Variants in DHX32 observed in about 807,000 individuals in gnomAD.
The protein encoded by DHX32 is putative pre-mRNA-splicing factor ATP-dependent RNA helicase DHX32.
DHX32 carries 51 observed loss-of-function variants against 70.0 expected under a neutral mutation model. That is an observed-to-expected ratio of 0.73 (90% confidence interval 0.58 to 0.92). The LOEUF (loss-of-function observed/expected upper bound fraction) is 0.92. Ranked by LOEUF, DHX32 falls within the 40% of genes least tolerant of loss-of-function variation. The probability of loss-of-function intolerance (pLI) is 0.00; values close to 1 mark genes in which losing one functional copy is unlikely to be tolerated. For synonymous variants in DHX32, 310 were observed against 315.3 expected, an observed-to-expected ratio of 0.98 and a Z score of 0.18; for missense variants, 762 against 891.8, an observed-to-expected ratio of 0.85 and a Z score of 1.85.
chr10:125,836,503 A>C lies in DHX32; in HGVS notation c.*184T>G, dbSNP rs7320. The C allele has an allele frequency of 0.42, 574,168 of 1,352,242 alleles. 123,895 individuals carry two copies. The highest frequency in any genetic ancestry group is 0.44 in the Non-Finnish European group (461,420 of 1,038,470). The allele number at this position is 1,352,242 out of a possible 1,614,324, so 83.8% of individuals were successfully genotyped here. On this transcript the variant is annotated 3_prime_UTR_variant, in exon 11 of 11. Transcript: ENST00000284690. Reference sequence around the variant, plus strand: ...TCCAAGAAGAAGAAAAGCATGGAGTAGTAATTTAAAGAACTCAATAAAAAC... The same window carrying C: ...TCCAAGAAGAAGAAAAGCATGGAGTCGTAATTTAAAGAACTCAATAAAAAC...
intron 3 of DHX32, among the ~76,000 whole-genome samples, chr10:125,856,340 G>GT (rs1161023721): frequency 1.3e-5 from 2 of 152,194 alleles, no homozygotes; most frequent in African/African-American, 4.8e-5. Flanking sequence ...CTTTGTGATA[G>GT]TTTATTACTG....
chr10:125,893,954 TAAG>T (rs1008388373), intron 1 of DHX32, among the ~76,000 whole-genome samples: 2 of 152,154 alleles, frequency 1.3e-5, no homozygotes, highest in African/African-American at 4.8e-5. Context: ...GAGATTTAAA[TAAG>T]AAAAAGACTA....
Position 125,838,257 on chromosome 10 carries a change from C to T in DHX32, c.2012G>A (p.Ser671Asn). Residue 671 changes from serine to asparagine, a missense_variant, in exon 10 of 11, where the codon AGC (serine) becomes AAC (asparagine). Around this residue, in one of 3 missense-constraint regions of DHX32, gnomAD observed 366 missense variants for 402.6 expected, o/e 0.91. Transcript: ENST00000284690. ...MPEWVLFHKF[S>N]ISENNYIRIT... The stretch of plus-strand genomic sequence containing the variant: ...CCTGATGTAGTTGTTCTCAGAAATG[C>T]TGAATTTATGGAAGAGGACCCACTC... 6.2e-7 allele frequency: 1 copy of T among 1,612,994 alleles called. No homozygotes were observed. The highest frequency in any genetic ancestry group is 8.5e-7 in the Non-Finnish European group (1 of 1,179,764).
chr10:125,892,741 AG>A (rs1322869973), intron 1 of DHX32, among the ~76,000 whole-genome samples: 3 of 152,194 alleles, frequency 2.0e-5, no homozygotes, highest in Admixed American at 1.3e-4. Context: ...ATATTAAAAA[AG>A]TTCATTACGA....
upstream of DHX32, among the ~76,000 whole-genome samples, chr10:125,883,392 C>G (rs1944328764): frequency 6.6e-6 from 1 of 152,170 alleles, no homozygotes; most frequent in South Asian, 2.1e-4. Context: ...TTAAGTGATA[C>G]TGAATCACTT....
chr10:125,855,683 C>A (rs896692518), intron 3 of DHX32, among the ~76,000 whole-genome samples: 13 of 152,136 alleles, frequency 8.5e-5, no homozygotes, highest in Admixed American at 7.9e-4. Context: ...ATCTCCTGAC[C>A]TCATGATCTG....
intron 6 of DHX32, among the ~76,000 whole-genome samples, chr10:125,851,813 TG>T (rs1280166163): frequency 6.6e-6 from 1 of 150,580 alleles, no homozygotes; most frequent in East Asian, 2.0e-4. Context: ...CCCAGCTATT[TG>T]GGAAGCTGTG....
At chr10:125,887,873 C>T (rs955028043) in intron 1 of DHX32, among the ~76,000 whole-genome samples, 1 of 152,174 alleles carries the variant, frequency 6.6e-6, no homozygotes, top group Non-Finnish European at 1.5e-5. Flanking sequence ...AAAGGCACAA[C>T]AAACGTGATT....
chr10:125,883,994 T>C (rs1328246716), upstream of DHX32, among the ~76,000 whole-genome samples: 5 of 152,164 alleles, frequency 3.3e-5, no homozygotes, highest in Admixed American at 6.5e-5. Context: ...GACAAGCTTG[T>C]TTGACAGACA....
At position 125,836,656 on chromosome 10, in the gene DHX32, G is replaced by A; in HGVS notation, c.*31C>T. ...AGTTCAGCCATCCAGCTACCTTTGG[G>A]ACCCTGCTGCACCTTGTGTTTGCTG... On this transcript the variant is annotated 3_prime_UTR_variant, in exon 11 of 11. Coordinates refer to ENST00000284690, the MANE Select transcript of DHX32 (RefSeq NM_018180.3). The A allele has an allele frequency of 6.2e-7, 1 of 1,603,078 alleles. No individual in the cohort carries two copies. The highest frequency in any genetic ancestry group is 8.5e-7 in the Non-Finnish European group (1 of 1,173,396).
chr10:125,839,283 C>T, intron 8 of DHX32, 95 bp from the exon 9 acceptor site: 3 of 1,310,518 alleles, frequency 2.3e-6, no homozygotes, highest in Non-Finnish European at 3.1e-6. Flanking sequence ...GCCCTGTGCT[C>T]TCCTCTCCTA....
chr10:125,883,081 T>G (rs1156409799), upstream of DHX32, among the ~76,000 whole-genome samples: 2 of 152,192 alleles, frequency 1.3e-5, no homozygotes, highest in Non-Finnish European at 2.9e-5. Context: ...AAGAGTGTAA[T>G]AATCTTATAA....
intron 1 of DHX32, among the ~76,000 whole-genome samples, chr10:125,867,427 A>C (rs973876494): frequency 1.3e-5 from 2 of 152,196 alleles, no homozygotes; most frequent in Non-Finnish European, 2.9e-5. Context: ...ACTGCCAGAC[A>C]AAAAAAGGCA....
At position 125,838,338 on chromosome 10, in the gene DHX32, T is replaced by G. The variant is rs140975050; in HGVS notation, c.1931A>C (p.Lys644Thr). Residue 644 changes from lysine (K) to threonine (T), a missense_variant, in exon 10 of 11, where the codon AAG becomes ACG. Physicochemically the swap from Lys to Thr is moderately conservative, Grantham distance 78 (BLOSUM62 -1). Coordinates refer to ENST00000284690, the MANE Select transcript of DHX32 (RefSeq NM_018180.3). ...GSGNYLMLTH[K>T]QVAQLHPLSG... ...CAGGGGATGCAGCTGAGCAACCTGC[T>G]TATGTGTCAGCATTAAGTAGTTACC... The G allele has an allele frequency of 1.1e-5, 18 of 1,613,140 alleles. No individual in the cohort carries two copies. Among genetic ancestry groups the G allele is most frequent in the Admixed American group, 1.7e-5 (1 of 59,756 alleles).
At chr10:125,858,398 T>C (rs1944161972) in intron 3 of DHX32, among the ~76,000 whole-genome samples, 1 of 152,228 alleles carries the variant, frequency 6.6e-6, no homozygotes. Context: ...GATAACAGAA[T>C]AAATCACTGT....
At chr10:125,894,704 TC>T (rs1287563494) in intron 1 of DHX32, among the ~76,000 whole-genome samples, 1 of 152,308 alleles carries the variant, frequency 6.6e-6, no homozygotes, top group Non-Finnish European at 1.5e-5. Context: ...CTAATGCTAA[TC>T]CTTTACTGTT....
intron 1 of DHX32, among the ~76,000 whole-genome samples, chr10:125,891,464 G>A (rs1944370797): frequency 6.6e-6 from 1 of 152,298 alleles, no homozygotes; most frequent in South Asian, 2.1e-4. Flanking sequence ...ATAGCCACAG[G>A]CACAGTGGCT....
chr10:125,843,437 C>T (rs532306715), intron 6 of DHX32, among the ~76,000 whole-genome samples: 24 of 152,096 alleles, frequency 1.6e-4, no homozygotes, highest in African/African-American at 4.3e-4. Context: ...GGTGAAACCC[C>T]GTCTCAACTA....
chr10:125,890,436 G>A (rs576564782), intron 1 of DHX32: 118 of 152,214 alleles, frequency 7.8e-4, no homozygotes, highest in African/African-American at 1.6e-3. Flanking sequence ...AAAAGATAAG[G>A]TCAAAATTCA....
Sources: allele counts gnomAD v4.1 joint callset (sites outside exome capture counted in the v4.1 genomes callset), GRCh38; gene constraint gnomAD v4.1.1; regional missense constraint gnomAD v4.1.1; transcripts MANE v1.5; gene names NCBI Gene and HGNC (gene_info 2026-07-23, HGNC 2026-07-21).